Variants in CACNA1E observed in about 807,000 individuals in gnomAD.
The protein encoded by CACNA1E is voltage-dependent R-type calcium channel subunit alpha-1E.
A neutral mutation model predicts 259.2 loss-of-function variants in CACNA1E; 40 were observed. The ratio of observed to expected loss-of-function variants is 0.15; its 90% CI spans 0.12 to 0.20. CACNA1E has a LOEUF of 0.20. Among genes scored for constraint, CACNA1E ranks in the 10% least tolerant of loss-of-function variants. The pLI, the probability that CACNA1E is intolerant of heterozygous loss-of-function variation, is 1.00. For missense variants in CACNA1E, 1,874 were observed against 3,040.1 expected (o/e 0.62, Z 9.02); for synonymous variants, 1,104 against 1,138.5 (o/e 0.97, Z 0.61).
chr1:181,597,871 C>T (rs200911158), intron 6 of CACNA1E, among the ~76,000 whole-genome samples: 10 of 152,290 alleles, frequency 6.6e-5, no homozygotes, highest in East Asian at 3.9e-4. Context: ...TTCACTGTCA[C>T]GAGAACAGCC....
intron 6 of CACNA1E, among the ~76,000 whole-genome samples, chr1:181,646,969 C>T (rs941076370): frequency 6.6e-6 from 1 of 151,936 alleles, no homozygotes; most frequent in Non-Finnish European, 1.5e-5. Flanking sequence ...TCATCACCCT[C>T]GTCGTGCACA....
chr1:181,696,662 T>C (rs2086339523), intron 7 of CACNA1E, among the ~76,000 whole-genome samples: 1 of 152,176 alleles, frequency 6.6e-6, no homozygotes, highest in South Asian at 2.1e-4. Flanking sequence ...TATGCACATG[T>C]GTATGCATGT....
chr1:181,406,876 A>G (rs1371376012), intron 1 of CACNA1E, among the ~76,000 whole-genome samples: 1 of 152,140 alleles, frequency 6.6e-6, no homozygotes, highest in Non-Finnish European at 1.5e-5. Flanking sequence ...CCCAGATACT[A>G]TGTTGATTCT....
At position 181,733,671 on chromosome 1, in the gene CACNA1E, C is replaced by G. The variant is rs556267480; in HGVS notation, c.3183C>G (p.Asp1061Glu). Residue 1061 changes from aspartate to glutamate, a missense_variant, in exon 21 of 48, where the codon GAC (aspartate) becomes GAG (glutamate). By Grantham distance (45) the Asp-to-Glu change is conservative. Transcript: ENST00000367573. ...PDLSCITANT[D>E]KATTESTSVT... ...TCTCCTGCATCACGGCCAACACGGACAAGGCCACCACCGAGAGCACCAGCG... is the reference window on the plus strand; with the variant it reads ...TCTCCTGCATCACGGCCAACACGGAGAAGGCCACCACCGAGAGCACCAGCG... The G allele has an allele frequency of 1.2e-4, 183 of 1,548,762 alleles. 1 individual carries two copies. The East Asian group carries it at 3.8e-3, about 32-fold the overall frequency.
intron 2 of CACNA1E, among the ~76,000 whole-genome samples, chr1:181,477,356 G>A (rs2102436523): frequency 6.6e-6 from 1 of 152,266 alleles, no homozygotes; most frequent in African/African-American, 2.4e-5. Flanking sequence ...CGAGCCCTTT[G>A]TGGGTATGTT....
chr1:181,683,230 A>G (rs762462782), intron 7 of CACNA1E, among the ~76,000 whole-genome samples: 1 of 152,248 alleles, frequency 6.6e-6, no homozygotes, highest in African/African-American at 2.4e-5. Context: ...ATGGCACTGG[A>G]TAGAATTCTT....
At chr1:181,567,346 C>G (rs1053697913) in intron 3 of CACNA1E, among the ~76,000 whole-genome samples, 1 of 152,152 alleles carries the variant, frequency 6.6e-6, no homozygotes, top group Non-Finnish European at 1.5e-5. Flanking sequence ...GGCTTCTTAT[C>G]TGTTATATAT....
At chr1:181,536,631 T>A (rs1222539527) in intron 3 of CACNA1E, among the ~76,000 whole-genome samples, 2 of 152,214 alleles carry the variant, frequency 1.3e-5, no homozygotes. Context: ...TGTAATATTA[T>A]CTTCTTTCTA....
chr1:181,654,706 G>A (rs1369405123), intron 7 of CACNA1E, among the ~76,000 whole-genome samples: 3 of 152,214 alleles, frequency 2.0e-5, no homozygotes, highest in South Asian at 2.1e-4. Flanking sequence ...TATCTTGGGC[G>A]GGGCGCGCTG....
At chr1:181,459,598 A>G (rs957713494) in intron 2 of CACNA1E, among the ~76,000 whole-genome samples, 9 of 152,242 alleles carry the variant, frequency 5.9e-5, no homozygotes, top group African/African-American at 2.2e-4. Context: ...TCAGAGGGTT[A>G]GTGTGCCAGA....
At chr1:181,355,870 G>C (rs1653392564) in intron 1 of CACNA1E, among the ~76,000 whole-genome samples, 1 of 152,146 alleles carries the variant, frequency 6.6e-6, no homozygotes, top group African/African-American at 2.4e-5. Flanking sequence ...GCATCTCAGG[G>C]ACTGTGCAGC....
At chr1:181,473,493 G>A (rs1203143796) in intron 2 of CACNA1E, among the ~76,000 whole-genome samples, 1 of 152,208 alleles carries the variant, frequency 6.6e-6, no homozygotes, top group East Asian at 1.9e-4. Context: ...AGGAGGAGCA[G>A]GTTGGGCTAC....
At chr1:181,721,665 C>T (rs943924169) in intron 15 of CACNA1E, 93 bp from the exon 16 acceptor site, 4 of 658,342 alleles carry the variant, frequency 6.1e-6, no homozygotes, top group Non-Finnish European at 1.1e-5. Flanking sequence ...GGGGTAGATG[C>T]AAAAGACCCA....
intron 3 of CACNA1E, among the ~76,000 whole-genome samples, chr1:181,537,095 CTTTTTT>C (rs201514362): frequency 8.9e-6 from 1 of 112,632 alleles, no homozygotes; most frequent in Non-Finnish European, 1.7e-5. Flanking sequence ...TTTTTCTTTT[CTTTTTT>C]TTTTTTTTTT....
At chr1:181,592,354 G>C (rs1238361477) in intron 6 of CACNA1E, among the ~76,000 whole-genome samples, 2 of 151,956 alleles carry the variant, frequency 1.3e-5, no homozygotes, top group African/African-American at 4.8e-5. Context: ...AGATGCCATG[G>C]CTTCCAGACT....
intron 11 of CACNA1E, among the ~76,000 whole-genome samples, chr1:181,717,506 T>C (rs1054472272): frequency 6.6e-6 from 1 of 152,176 alleles, no homozygotes; most frequent in African/African-American, 2.4e-5. Flanking sequence ...CAGATCATTG[T>C]TGATGAATCA....
chr1:181,567,303 T>TA (rs1649941921), intron 3 of CACNA1E, among the ~76,000 whole-genome samples: 2 of 152,244 alleles, frequency 1.3e-5, no homozygotes, highest in Non-Finnish European at 2.9e-5. Context: ...AAGGTGACTC[T>TA]ACTCCCCTTC....
At chr1:181,393,051 A>C (rs1656407145) in intron 1 of CACNA1E, among the ~76,000 whole-genome samples, 1 of 152,276 alleles carries the variant, frequency 6.6e-6, no homozygotes, top group Non-Finnish European at 1.5e-5. Context: ...CAATGCAGGC[A>C]TTGCCATGAG....
At chr1:181,514,749 C>T (rs988177438) in intron 3 of CACNA1E, among the ~76,000 whole-genome samples, 2 of 152,166 alleles carry the variant, frequency 1.3e-5, no homozygotes, top group Admixed American at 6.5e-5. Context: ...AGTCAGCTGG[C>T]TCAGTGTAAG....
Sources: gnomAD v4.1 joint callset for allele counts (sites outside exome capture counted in the v4.1 genomes callset) on GRCh38, gnomAD v4.1.1 for gene constraint, MANE v1.5 for transcripts, NCBI Gene and HGNC (gene_info 2026-07-23, HGNC 2026-07-21) for gene names.